Variants in RANBP2 observed in about 807,000 individuals in gnomAD.
RANBP2 encodes the protein RAN binding protein 2, also known as E3 SUMO-protein ligase RanBP2.
RANBP2 carries 57 observed loss-of-function variants against 303.6 expected under a neutral mutation model. The ratio of observed to expected loss-of-function variants is 0.19; its 90% CI spans 0.15 to 0.23. RANBP2 has a LOEUF of 0.23. Ranked by LOEUF, RANBP2 falls within the 10% of genes least tolerant of loss-of-function variation. The pLI, the probability that RANBP2 is intolerant of heterozygous loss-of-function variation, is 1.00. For missense variants in RANBP2, 3,138 were observed against 3,780.8 expected, an observed-to-expected ratio of 0.83 and a Z score of 4.46; for synonymous variants, 1,167 against 1,301.5, an observed-to-expected ratio of 0.90 and a Z score of 2.23.
chr2:109,078,990 C>A, the RANBP2 span, among the ~76,000 whole-genome samples: 6 of 150,352 alleles, frequency 4.0e-5, no homozygotes, highest in Admixed American at 2.0e-4. Flanking sequence ...GACTCTGTTT[C>A]AAAAAAAAAG....
chr2:109,504,895 C>T, the RANBP2 span, among the ~76,000 whole-genome samples: 1 of 152,208 alleles, frequency 6.6e-6, no homozygotes, highest in Non-Finnish European at 1.5e-5. Flanking sequence ...AGAGCCAAGC[C>T]ACAGAAGCCA....
the RANBP2 span, among the ~76,000 whole-genome samples, chr2:109,697,609 A>G: frequency 6.6e-6 from 1 of 152,190 alleles, no homozygotes; most frequent in Non-Finnish European, 1.5e-5. Flanking sequence ...TGCAAAATTC[A>G]AAAGTTTAAG....
chr2:108,780,945 G>C (rs961938196), intron 25 of RANBP2, among the ~76,000 whole-genome samples: 4 of 152,070 alleles, frequency 2.6e-5, no homozygotes, highest in Non-Finnish European at 1.5e-5. Context: ...CTGACCTCAG[G>C]AGATGCGCTC....
At chr2:109,044,469 A>G in the RANBP2 span, among the ~76,000 whole-genome samples, 1,165 of 152,106 alleles carry the variant, frequency 7.7e-3, 11 homozygotes, top group East Asian at 0.056. Context: ...CTTGCAGTGA[A>G]CCGAGATGGC....
At chr2:109,352,667 CAG>C in the RANBP2 span, among the ~76,000 whole-genome samples, 1 of 152,228 alleles carries the variant, frequency 6.6e-6, no homozygotes, top group Non-Finnish European at 1.5e-5. Context: ...CCGAGAAACT[CAG>C]GGAACCAGTT....
Position 108,763,822 on chromosome 2 carries a change from C to G in RANBP2, c.3283C>G (p.Pro1095Ala), listed in dbSNP as rs1205745703. 6.2e-7 allele frequency: 1 copy of G among 1,613,868 alleles called. No homozygotes were observed. The highest frequency in any genetic ancestry group is 8.5e-7 in the Non-Finnish European group (1 of 1,179,978). ...AATTCCTGGTGGTCAAACCATTGGG[C>G]CTCGAAATACATTCAATTTTGGAAG... Reference protein sequence around the residue: ...KPIPGGQTIGPRNTFNFGSKN... With the variant: ...KPIPGGQTIGARNTFNFGSKN... The change falls in exon 20 of 29, where the codon CCT becomes GCT. Residue 1095 changes from proline to alanine, a missense_variant. Around this residue, in one of 20 missense-constraint regions of RANBP2, gnomAD observed 403 missense variants for 376.7 expected, o/e 1.07. Coordinates refer to ENST00000283195, the MANE Select transcript of RANBP2 (RefSeq NM_006267.5).
the RANBP2 span, chr2:109,614,104 G>A: frequency 2.2e-5 from 27 of 1,209,888 alleles, no homozygotes; most frequent in African/African-American, 4.7e-5. Context: ...GAGCGTCAGC[G>A]TTGGGGCGGG....
chr2:109,662,864 G>A, the RANBP2 span, among the ~76,000 whole-genome samples: 1 of 152,108 alleles, frequency 6.6e-6, no homozygotes, highest in African/African-American at 2.4e-5. Flanking sequence ...TTGTGCGATT[G>A]CCATGGCTTC....
chr2:108,987,875 C>T, the RANBP2 span, among the ~76,000 whole-genome samples: 1 of 152,224 alleles, frequency 6.6e-6, no homozygotes, highest in African/African-American at 2.4e-5. Flanking sequence ...GTGGCTATGA[C>T]TTACAAATCT....
the RANBP2 span, among the ~76,000 whole-genome samples, chr2:109,015,118 CAAAAAAAAAAAAAAAAAAAAAAAAA>C: frequency 0.01 from 721 of 68,826 alleles, 57 homozygotes; most frequent in Non-Finnish European, 6.4e-3. Context: ...GACTCCATCT[CAAAAAAAAAAAAAAAAAAAAAAAAA>C]AAAAAAAAAA....
chr2:108,721,818 T>G (rs1426198825), intron 1 of RANBP2, among the ~76,000 whole-genome samples: 3 of 152,158 alleles, frequency 2.0e-5, no homozygotes, highest in Non-Finnish European at 4.4e-5. Flanking sequence ...CGTGGCTCAC[T>G]GCAGCGTTGA....
the RANBP2 span, among the ~76,000 whole-genome samples, chr2:109,518,016 G>C: frequency 3.3e-5 from 5 of 152,252 alleles, no homozygotes; most frequent in African/African-American, 4.8e-5. Flanking sequence ...CCCAGGGGCT[G>C]AGGCCCTGCA....
the RANBP2 span, among the ~76,000 whole-genome samples, chr2:109,041,259 A>G: frequency 6.6e-6 from 1 of 152,130 alleles, no homozygotes; most frequent in Admixed American, 6.5e-5. Flanking sequence ...ATAGCATTCA[A>G]AGATAATGGT....
the RANBP2 span, among the ~76,000 whole-genome samples, chr2:109,494,628 A>G: frequency 2.0e-5 from 3 of 152,306 alleles, no homozygotes; most frequent in South Asian, 6.2e-4. Context: ...TGGGGCCAGA[A>G]CACTCAGCTG....
the RANBP2 span, among the ~76,000 whole-genome samples, chr2:108,986,274 G>A: frequency 2.6e-5 from 4 of 152,210 alleles, no homozygotes; most frequent in East Asian, 3.9e-4. Context: ...TATCAGGAGG[G>A]TTCACAAAGA....
intron 1 of RANBP2, among the ~76,000 whole-genome samples, chr2:108,728,330 G>T (rs1384774271): frequency 6.6e-6 from 1 of 152,118 alleles, no homozygotes; most frequent in Non-Finnish European, 1.5e-5. Context: ...ATCTCCCTGT[G>T]TCACCCACGC....
At position 108,764,535 on chromosome 2, in the gene RANBP2, G is replaced by C; in HGVS notation, c.3996G>C (p.Lys1332Asn). 6.2e-7 allele frequency: 1 copy of C among 1,613,834 alleles called. No homozygotes were observed. The highest frequency in any genetic ancestry group is 8.5e-7 in the Non-Finnish European group (1 of 1,179,944). Residue 1332 changes from lysine (K) to asparagine (N), a missense_variant, in exon 20 of 29, where the codon AAG (lysine) becomes AAC (asparagine). This residue lies in a region of RANBP2 where 388 missense variants were observed against 328.5 expected (regional missense o/e 1.18). Transcript: ENST00000283195. ...AAGAACCCACAAGTCATGATAACAA[G>C]GATATTTGCAAATCTGATGCTGGAA... is the stretch of plus-strand genomic sequence containing the variant. ...IVKEPTSHDN[K>N]DICKSDAGNL...
the RANBP2 span, among the ~76,000 whole-genome samples, chr2:109,291,076 G>T: frequency 2.6e-5 from 4 of 152,160 alleles, no homozygotes; most frequent in Non-Finnish European, 2.9e-5. Flanking sequence ...TAATCCCATA[G>T]CTTCCTTGAC....
chr2:108,771,690 T>C lies in RANBP2; in HGVS notation c.7850-11T>C. 6.2e-7 allele frequency: 1 copy of C among 1,611,258 alleles called. No individual in the cohort carries two copies. Among genetic ancestry groups the C allele is most frequent in the Non-Finnish European group, 8.5e-7 (1 of 1,179,804 alleles). On this transcript the variant is annotated splice_polypyrimidine_tract_variant and intron_variant, in intron 20 of 28. Transcript: ENST00000283195. Reference sequence around the variant, plus strand: ...CCTTATCTTTGTCAATTTTTTTGACTGGTGTTACAGCAAAAGAGAAGAAAA... The same window carrying C: ...CCTTATCTTTGTCAATTTTTTTGACCGGTGTTACAGCAAAAGAGAAGAAAA...
Sources: allele counts gnomAD v4.1 joint callset (sites outside exome capture counted in the v4.1 genomes callset), GRCh38; gene constraint gnomAD v4.1.1; regional missense constraint gnomAD v4.1.1; transcripts MANE v1.5; gene names NCBI Gene and HGNC (gene_info 2026-07-23, HGNC 2026-07-21).